Variants in XKR9 observed in about 807,000 individuals in gnomAD.
XKR9 encodes XK-related protein 9.
Under a neutral mutation model 32.0 loss-of-function variants are expected in XKR9, and 32 were observed. The observed-to-expected ratio is 1.00, with a 90% CI of 0.76 to 1.34. The LOEUF (loss-of-function observed/expected upper bound fraction) is 1.34, where lower values mean the gene tolerates loss of function less well. Ranked by LOEUF, XKR9 falls within the 40% of genes most tolerant of loss-of-function variation. The probability of loss-of-function intolerance (pLI) is 0.00; values close to 1 mark genes in which losing one functional copy is unlikely to be tolerated. For missense variants in XKR9, 546 were observed against 429.7 expected, an observed-to-expected ratio of 1.27 and a Z score of -2.39; for synonymous variants, 168 against 143.4, an observed-to-expected ratio of 1.17 and a Z score of -1.22.
chr8:70,742,566 G>C (rs762958905), intron 2 of XKR9, among the ~76,000 whole-genome samples: 5 of 152,052 alleles, frequency 3.3e-5, no homozygotes, highest in Non-Finnish European at 7.4e-5. Flanking sequence ...TAGTTTTTTT[G>C]TATAGGTTAG....
chr8:70,772,884 A>T (rs117075642), intron 2 of XKR9, among the ~76,000 whole-genome samples: 1 of 152,318 alleles, frequency 6.6e-6, no homozygotes, highest in Non-Finnish European at 1.5e-5. Flanking sequence ...ATAAAAGTTT[A>T]TAGAGTTTTA....
At chr8:70,714,040 T>A (rs727377) in intron 4 of XKR9, among the ~76,000 whole-genome samples, 23 of 151,790 alleles carry the variant, frequency 1.5e-4, no homozygotes, top group African/African-American at 4.4e-4. Flanking sequence ...TGCATGCTTA[T>A]GTGGCCTTTC....
the XKR9 span, among the ~76,000 whole-genome samples, chr8:70,859,433 G>C: frequency 6.6e-6 from 1 of 151,950 alleles, no homozygotes; most frequent in African/African-American, 2.4e-5. Context: ...TAGTATATCC[G>C]TAAGAACAGT....
chr8:70,690,609 A>G (rs754988730), intron 3 of XKR9, among the ~76,000 whole-genome samples: 26 of 150,534 alleles, frequency 1.7e-4, no homozygotes, highest in Non-Finnish European at 3.7e-4. Context: ...TCGGCCTCCC[A>G]AAGTGTTGGG....
the XKR9 span, among the ~76,000 whole-genome samples, chr8:70,895,721 A>T: frequency 6.6e-6 from 1 of 150,882 alleles, no homozygotes; most frequent in African/African-American, 2.4e-5. Flanking sequence ...GCAATGGTTC[A>T]TGCCTGCAAT....
chr8:70,685,430 G>T (rs1379412180), intron 3 of XKR9, among the ~76,000 whole-genome samples: 1 of 147,318 alleles, frequency 6.8e-6, no homozygotes, highest in African/African-American at 2.5e-5. Context: ...CACCAGCATG[G>T]CACATGTATA....
chr8:70,799,927 C>G, the XKR9 span, among the ~76,000 whole-genome samples: 1 of 152,138 alleles, frequency 6.6e-6, no homozygotes, highest in African/African-American at 2.4e-5. Flanking sequence ...AGAGGACATC[C>G]TTGTCTTGAG....
chr8:70,859,413 G>C, the XKR9 span, among the ~76,000 whole-genome samples: 1 of 152,050 alleles, frequency 6.6e-6, no homozygotes, highest in Non-Finnish European at 1.5e-5. Flanking sequence ...CTATTGGTGG[G>C]AATGTAAATT....
At chr8:70,973,699 A>G in the XKR9 span, among the ~76,000 whole-genome samples, 1 of 152,134 alleles carries the variant, frequency 6.6e-6, no homozygotes, top group Admixed American at 6.6e-5. Flanking sequence ...TTAAATCTCC[A>G]TCTTGATTTC....
chr8:70,766,823 T>C lies in XKR9; in HGVS notation n.353-22516T>C, dbSNP rs60557739. Among the ~76,000 whole-genome samples, 628 of 152,330 alleles carry C rather than the reference T, an allele frequency of 4.1e-3. 6 individuals carry two copies. The highest frequency in any genetic ancestry group is 0.015 in the African/African-American group (603 of 41,578). On this transcript the variant is annotated intron_variant and non_coding_transcript_variant, in intron 2 of 3. Transcript: ENST00000520273. The stretch of plus-strand genomic sequence containing the variant: ...TAGCATGAAGGGGTGTTGAAGTTTA[T>C]TGAAGGCCTTTTCTACATCAATTGA...
At chr8:70,938,322 T>C in the XKR9 span, among the ~76,000 whole-genome samples, 2 of 151,592 alleles carry the variant, frequency 1.3e-5, no homozygotes, top group Non-Finnish European at 1.5e-5. Flanking sequence ...CGAGAAGAGG[T>C]TGGTCCTGCT....
At chr8:70,976,365 G>C in the XKR9 span, among the ~76,000 whole-genome samples, 1 of 152,098 alleles carries the variant, frequency 6.6e-6, no homozygotes, top group Non-Finnish European at 1.5e-5. Flanking sequence ...CTGTGGGTTT[G>C]CTCTTATTAT....
downstream of XKR9, among the ~76,000 whole-genome samples, chr8:70,736,751 C>G (rs1348061944): frequency 1.3e-5 from 2 of 151,906 alleles, no homozygotes; most frequent in African/African-American, 2.4e-5. Context: ...TTGTTTTTGT[C>G]AGGTTTGTCA....
At chr8:70,867,230 A>G in the XKR9 span, among the ~76,000 whole-genome samples, 13 of 152,216 alleles carry the variant, frequency 8.5e-5, no homozygotes, top group South Asian at 2.7e-3. Context: ...ATCAGATCTC[A>G]TGAGACTTAT....
chr8:70,792,934 A>G (rs1263939376), downstream of XKR9, among the ~76,000 whole-genome samples: 1 of 152,118 alleles, frequency 6.6e-6, no homozygotes, highest in Non-Finnish European at 1.5e-5. Context: ...AGCTTCAAGA[A>G]CTATTAGAAA....
At chr8:70,991,525 G>C in the XKR9 span, among the ~76,000 whole-genome samples, 1 of 152,150 alleles carries the variant, frequency 6.6e-6, no homozygotes, top group African/African-American at 2.4e-5. Flanking sequence ...ATTGAAACCA[G>C]GTGTCTTGAT....
chr8:70,772,847 G>A (rs1226148492), intron 2 of XKR9, among the ~76,000 whole-genome samples: 1 of 152,096 alleles, frequency 6.6e-6, no homozygotes, highest in Non-Finnish European at 1.5e-5. Flanking sequence ...TTTCTAGTTA[G>A]GTGTAAAGTA....
intron 4 of XKR9, among the ~76,000 whole-genome samples, chr8:70,715,944 A>G (rs1249987694): frequency 6.6e-6 from 1 of 152,014 alleles, no homozygotes; most frequent in Non-Finnish European, 1.5e-5. Context: ...TTTTTTCAGG[A>G]AGGCCTGGCA....
chr8:70,866,793 T>C, the XKR9 span, among the ~76,000 whole-genome samples: 1 of 152,074 alleles, frequency 6.6e-6, no homozygotes, highest in Non-Finnish European at 1.5e-5. Context: ...CCCTGGAGTA[T>C]GATATCCAAA....
Sources: allele counts gnomAD v4.1 joint callset (sites outside exome capture counted in the v4.1 genomes callset), GRCh38; gene constraint gnomAD v4.1.1; transcripts MANE v1.5; gene names NCBI Gene and HGNC (gene_info 2026-07-23, HGNC 2026-07-21).